Variants in PLXNC1 observed in about 807,000 individuals in gnomAD.
PLXNC1 encodes the protein plexin-C1.
PLXNC1 carries 75 observed loss-of-function variants against 178.2 expected under a neutral mutation model. The ratio of observed to expected loss-of-function variants is 0.42; its 90% CI spans 0.35 to 0.51. The LOEUF is 0.51. Among genes scored for constraint, PLXNC1 ranks in the 20% least tolerant of loss-of-function variants. The pLI, the probability that PLXNC1 is intolerant of heterozygous loss-of-function variation, is 0.02. For synonymous variants in PLXNC1, 790 were observed against 779.9 expected (o/e 1.01, Z -0.22); for missense variants, 1,503 against 1,984.4 (o/e 0.76, Z 4.61).
At position 94,260,544 on chromosome 12, in the gene PLXNC1, G is replaced by A. The variant is rs1964966492; in HGVS notation, c.3252-98G>A. On this transcript the variant is annotated intron_variant, in intron 19 of 30. Transcript: ENST00000258526. This position sits in a 1 kb window ranked among gnomAD's most constrained non-coding sequence, Gnocchi z 4.4. Reference sequence around the variant, plus strand: ...AAAAAAAAAGCTCCCAACCCAACAGGCCAGCTCCCTGCCCTGCCAGTGAGC... The same window carrying A: ...AAAAAAAAAGCTCCCAACCCAACAGACCAGCTCCCTGCCCTGCCAGTGAGC... 2 of 746,226 alleles carry A rather than the reference G, an allele frequency of 2.7e-6. No homozygotes were observed. The highest frequency in any genetic ancestry group is 4.4e-6 in the Non-Finnish European group (2 of 454,420). The allele number at this position is 746,226 out of a possible 1,614,324, so 46.2% of individuals were successfully genotyped here.
intron 1 of PLXNC1, among the ~76,000 whole-genome samples, chr12:94,163,047 CTGG>C (rs1410356774): frequency 6.6e-6 from 1 of 152,128 alleles, no homozygotes; most frequent in Non-Finnish European, 1.5e-5. Flanking sequence ...TGGACAAGCA[CTGG>C]TGGACTGAGT....
chr12:94,257,521 C>T (rs1004770800), intron 17 of PLXNC1, among the ~76,000 whole-genome samples: 1 of 152,182 alleles, frequency 6.6e-6, no homozygotes, highest in Non-Finnish European at 1.5e-5. Flanking sequence ...AGCCTGTAAT[C>T]CCAGCACTTT....
At chr12:94,286,433 C>G (rs1256434134) in intron 23 of PLXNC1, among the ~76,000 whole-genome samples, 1 of 152,058 alleles carries the variant, frequency 6.6e-6, no homozygotes, top group Non-Finnish European at 1.5e-5. Flanking sequence ...AGCAGCGCCT[C>G]CGCAGACTCA....
At position 94,237,268 on chromosome 12, in the gene PLXNC1, T is replaced by C. The variant is rs559542031; in HGVS notation, c.1981-396T>C. Among the ~76,000 whole-genome samples, 6 of 152,364 alleles carry C rather than the reference T, an allele frequency of 3.9e-5. No individual in the cohort carries two copies. The East Asian group carries it at 7.7e-4, about 20-fold the overall frequency. ...AATGACATTTATTTCAACTTAACGA[T>C]GAGTCTGTCATTGGCCTACGGTCAA... is the stretch of plus-strand genomic sequence containing the variant. On this transcript the variant is annotated intron_variant, in intron 9 of 30. Coordinates refer to ENST00000258526, the MANE Select transcript of PLXNC1 (RefSeq NM_005761.3).
chr12:94,294,198 T>C (rs1967662938), intron 23 of PLXNC1, among the ~76,000 whole-genome samples: 1 of 152,102 alleles, frequency 6.6e-6, no homozygotes, highest in Non-Finnish European at 1.5e-5. Context: ...CCACCTCCCA[T>C]CTGTCCCACA....
In PLXNC1 at chr12:94,227,159, C is replaced by T; in HGVS notation, c.1904C>T (p.Pro635Leu). Residue 635 changes from proline to leucine, a missense_variant, in exon 9 of 31, where the codon CCA becomes CTA. Pro to Leu is a moderately conservative substitution (Grantham distance 98). This residue lies in a region of PLXNC1 where 615 missense variants were observed against 698.6 expected (regional missense o/e 0.88). Coordinates refer to ENST00000258526, the MANE Select transcript of PLXNC1 (RefSeq NM_005761.3). ...TGTTCTCCATTCCAGGAACAGTGTC[C>T]AGTGGCTGTCGAGAAGACATCAGGA... is the stretch of plus-strand genomic sequence containing the variant. ...SDYERNQEQC[P>L]VAVEKTSGGG... 6.2e-7 allele frequency: 1 copy of T among 1,609,024 alleles called. No homozygotes were observed. Among genetic ancestry groups the T allele is most frequent in the Non-Finnish European group, 8.5e-7 (1 of 1,175,412 alleles).
At chr12:94,285,203 A>G (rs1384428132) in intron 23 of PLXNC1, among the ~76,000 whole-genome samples, 1 of 152,158 alleles carries the variant, frequency 6.6e-6, no homozygotes, top group Non-Finnish European at 1.5e-5. Context: ...CCGGGAGGGT[A>G]GGGACCCCCT....
intron 2 of PLXNC1, among the ~76,000 whole-genome samples, chr12:94,172,052 A>G (rs912869537): frequency 2.0e-5 from 3 of 152,240 alleles, no homozygotes; most frequent in Admixed American, 6.5e-5. Context: ...ATAATCCTCA[A>G]ATCCCTTTAT....
At chr12:94,177,217 GTGTATATATATACATATA>G (rs1565794517) in intron 2 of PLXNC1, among the ~76,000 whole-genome samples, 41 of 80,970 alleles carry the variant, frequency 5.1e-4, no homozygotes, top group African/African-American at 1.2e-3. Context: ...ATATATGTGT[GTGTATATATATACATATA>G]TATATATATA....
intron 9 of PLXNC1, among the ~76,000 whole-genome samples, chr12:94,233,478 G>A (rs944055741): frequency 6.6e-6 from 1 of 152,218 alleles, no homozygotes; most frequent in Non-Finnish European, 1.5e-5. Context: ...CGGAGGGTGG[G>A]CTTGGCAGCC....
chr12:94,278,422 T>C (rs1486835836), intron 21 of PLXNC1, among the ~76,000 whole-genome samples: 1 of 152,278 alleles, frequency 6.6e-6, no homozygotes, highest in African/African-American at 2.4e-5. Context: ...GGAATTGCTT[T>C]TCAGTTTGTT....
chr12:94,241,151 A>G (rs1388872610), intron 11 of PLXNC1, among the ~76,000 whole-genome samples: 1 of 152,202 alleles, frequency 6.6e-6, no homozygotes, highest in Non-Finnish European at 1.5e-5. Flanking sequence ...TAAATCCAAT[A>G]TGTTAAGAAA....
rs768571326 is a variant in PLXNC1, at chr12:94,149,419, G to A, written c.448G>A (p.Gly150Ser). 8 of 1,437,714 alleles carry A rather than the reference G, an allele frequency of 5.6e-6. No individual in the cohort carries two copies. Among genetic ancestry groups the A allele is most frequent in the Non-Finnish European group, 7.2e-6 (8 of 1,105,190 alleles). The allele number at this position is 1,437,714 out of a possible 1,614,324, so 89.1% of individuals were successfully genotyped here. The change falls in exon 1 of 31, where the codon GGC (glycine) becomes AGC (serine). Residue 150 changes from glycine to serine, a missense_variant. Gly to Ser is a moderately conservative substitution (Grantham distance 56, BLOSUM62 0). Transcript: ENST00000258526. ...CCTGAGCCGCAACTCCCTGCGCAAC[G>A]GCACCGAGGTGGTGTCGTGCCACCC... The part of the protein sequence containing the change: ...GNLSRNSLRN[G>S]TEVVSCHPQG...
At chr12:94,224,399 CTT>C in intron 7 of PLXNC1, 84 bp downstream of exon 7, 1 of 843,710 alleles carries the variant, frequency 1.2e-6, no homozygotes, top group Non-Finnish European at 2.0e-6. Context: ...CTAAAGAACT[CTT>C]TTGTGAGACA....
chr12:94,206,711 C>A (rs1592763930), intron 4 of PLXNC1, among the ~76,000 whole-genome samples: 1 of 152,160 alleles, frequency 6.6e-6, no homozygotes, highest in Non-Finnish European at 1.5e-5. Context: ...GTCAAGAAAG[C>A]AAATATATCT....
At chr12:94,281,559 T>C (rs1966441923) in intron 22 of PLXNC1, among the ~76,000 whole-genome samples, 1 of 151,236 alleles carries the variant, frequency 6.6e-6, no homozygotes, top group African/African-American at 2.4e-5. Flanking sequence ...AAATCAGATA[T>C]CCAGTTTTTT....
chr12:94,264,965 G>C, intron 20 of PLXNC1, 114 bp from the exon 21 acceptor site: 1 of 1,046,746 alleles, frequency 9.6e-7, no homozygotes, highest in Non-Finnish European at 1.4e-6. Context: ...GTTTCATGTT[G>C]AGTGTTAGAA....
intron 17 of PLXNC1, chr12:94,256,103 A>T (rs144722861): frequency 3.3e-5 from 5 of 152,278 alleles, no homozygotes; most frequent in African/African-American, 1.2e-4. Flanking sequence ...TTGCGGTATG[A>T]TGACCACATA....
intron 30 of PLXNC1, 34 bp downstream of exon 30, chr12:94,304,085 G>T: frequency 7.8e-7 from 1 of 1,279,764 alleles, no homozygotes; most frequent in South Asian, 1.2e-5. Context: ...TTTAACCTTT[G>T]AATCAGGCAC....
Sources: gnomAD v4.1 joint callset for allele counts (sites outside exome capture counted in the v4.1 genomes callset) on GRCh38, gnomAD v4.1.1 for gene constraint, gnomAD v4.1.1 regional missense constraint, Gnocchi (gnomAD v3.1) non-coding constraint, MANE v1.5 for transcripts, NCBI Gene and HGNC (gene_info 2026-07-23, HGNC 2026-07-21) for gene names.